The following PARD3B variants were observed in gnomAD, a reference collection of about 807,000 sequenced individuals.
PARD3B encodes partitioning defective 3 homolog B.
PARD3B carries 103 observed loss-of-function variants against 130.2 expected under a neutral mutation model. The observed-to-expected ratio is 0.79, with a 90% CI of 0.67 to 0.93. The LOEUF (loss-of-function observed/expected upper bound fraction) is 0.93. PARD3B is among the 40% of genes least tolerant of loss of function. PARD3B has a pLI of 0.00. For missense variants in PARD3B, 1,609 were observed against 1,499.2 expected, an observed-to-expected ratio of 1.07 and a Z score of -1.21; for synonymous variants, 583 against 553.2, an observed-to-expected ratio of 1.05 and a Z score of -0.76.
intron 2 of PARD3B, among the ~76,000 whole-genome samples, chr2:204,830,480 G>A (rs2043776035): frequency 6.6e-6 from 1 of 152,176 alleles, no homozygotes; most frequent in Admixed American, 6.5e-5. Flanking sequence ...TAGGAGAGGA[G>A]AATTGAGGAA....
At chr2:204,559,500 C>T (rs1345559533) in intron 1 of PARD3B, among the ~76,000 whole-genome samples, 1 of 152,162 alleles carries the variant, frequency 6.6e-6, no homozygotes, top group Non-Finnish European at 1.5e-5. Context: ...TACCATCTCA[C>T]ACCAGTTAGA....
intron 15 of PARD3B, among the ~76,000 whole-genome samples, chr2:205,217,856 GTGTGTGTGTGTGTATATATA>G (rs1223853165): frequency 6.1e-5 from 5 of 82,128 alleles, no homozygotes; most frequent in African/African-American, 2.4e-4. Context: ...GTGTGTGTGT[GTGTGTGTGTGTGTATATATA>G]TATATATATA....
At chr2:204,714,913 T>C (rs1254252667) in intron 2 of PARD3B, among the ~76,000 whole-genome samples, 5 of 152,202 alleles carry the variant, frequency 3.3e-5, no homozygotes, top group East Asian at 3.9e-4. Context: ...AGAAATGATA[T>C]TACATTTAAT....
Position 205,105,310 on chromosome 2 carries a change from C to G in PARD3B, c.593+796C>G, listed in dbSNP as rs1477093367. Among the ~76,000 whole-genome samples, 7 of 152,172 alleles carry G rather than the reference C, an allele frequency of 4.6e-5. No individual in the cohort carries two copies. The highest frequency in any genetic ancestry group is 2.0e-4 in the Admixed American group (3 of 15,286). On this transcript the variant is annotated intron_variant, in intron 5 of 22. Transcript: ENST00000406610. The surrounding 1 kb of genome is among the most constrained non-coding windows in gnomAD (Gnocchi z 4.0). ...TGAGTGTTTGCTGCTGTTTCTACTA[C>G]TATCATTAATATCACATCATCTCTA...
chr2:204,751,911 CTG>C (rs1288701328), intron 2 of PARD3B, among the ~76,000 whole-genome samples: 1 of 152,116 alleles, frequency 6.6e-6, no homozygotes, highest in African/African-American at 2.4e-5. Flanking sequence ...CAGGAGAACT[CTG>C]TGTTGGAACA....
intron 2 of PARD3B, among the ~76,000 whole-genome samples, chr2:204,962,238 A>G (rs1374156687): frequency 6.6e-6 from 1 of 152,120 alleles, no homozygotes; most frequent in Non-Finnish European, 1.5e-5. Flanking sequence ...CACTGGCATC[A>G]TAGAAGGAGA....
chr2:204,804,477 T>C (rs1024710716), intron 2 of PARD3B, among the ~76,000 whole-genome samples: 1 of 152,164 alleles, frequency 6.6e-6, no homozygotes, highest in Non-Finnish European at 1.5e-5. Flanking sequence ...CACCCAACAG[T>C]GGAGCACCCG....
intron 2 of PARD3B, among the ~76,000 whole-genome samples, chr2:204,839,475 A>G (rs1167455126): frequency 6.6e-6 from 1 of 152,148 alleles, no homozygotes; most frequent in Non-Finnish European, 1.5e-5. Context: ...AGAAATGTTT[A>G]CCTTAAGCCT....
intron 3 of PARD3B, among the ~76,000 whole-genome samples, chr2:204,973,125 GCT>G (rs1691850059): frequency 6.6e-6 from 1 of 152,196 alleles, no homozygotes; most frequent in African/African-American, 2.4e-5. Flanking sequence ...TCCCCAGCTC[GCT>G]CTCTTCTGTT....
intron 21 of PARD3B, among the ~76,000 whole-genome samples, chr2:205,507,297 C>T (rs954844780): frequency 1.4e-5 from 2 of 138,996 alleles, no homozygotes; most frequent in Non-Finnish European, 3.0e-5. Context: ...TCACTGCAAG[C>T]TCCACCTCCG....
At chr2:204,951,419 C>G (rs1689758454) in intron 2 of PARD3B, among the ~76,000 whole-genome samples, 1 of 152,130 alleles carries the variant, frequency 6.6e-6, no homozygotes. Context: ...AATCGTCCTG[C>G]CAGCAAATAC....
At chr2:204,795,604 T>G (rs2042342438) in intron 2 of PARD3B, among the ~76,000 whole-genome samples, 1 of 152,190 alleles carries the variant, frequency 6.6e-6, no homozygotes, top group Non-Finnish European at 1.5e-5. Context: ...TGGAACTTTC[T>G]CCAAAGATGG....
At chr2:204,912,816 A>C (rs78333411) in intron 2 of PARD3B, among the ~76,000 whole-genome samples, 4,978 of 152,232 alleles carry the variant, frequency 0.033, 116 homozygotes, top group Non-Finnish European at 0.047. Flanking sequence ...ATTACTGTAG[A>C]TCCTGTTTTA....
At chr2:205,008,606 T>C (rs1695464317) in intron 3 of PARD3B, among the ~76,000 whole-genome samples, 1 of 152,198 alleles carries the variant, frequency 6.6e-6, no homozygotes, top group Non-Finnish European at 1.5e-5. Context: ...AATTCAGCTT[T>C]ATGTATCTCT....
chr2:204,984,301 G>C (rs899008352), intron 3 of PARD3B, among the ~76,000 whole-genome samples: 2 of 152,074 alleles, frequency 1.3e-5, no homozygotes, highest in African/African-American at 4.8e-5. Context: ...ATAGTCAGTT[G>C]AGACTAATCA....
rs138913497 is a variant in PARD3B at position 204,722,425 on chromosome 2, A to G, written c.222+36143A>G. On this transcript the variant is annotated intron_variant, in intron 2 of 22. Coordinates refer to ENST00000406610, the MANE Select transcript of PARD3B (RefSeq NM_001302769.2). ...GTGTCTTGGATGACAGTGCTGTTGG[A>G]TTAGATTGGCTAACTTCTACAGTTT... 4.0e-3 allele frequency among the ~76,000 whole-genome samples: 605 copies of G among 152,276 alleles called. 18 individuals are homozygous for G. The highest frequency in any genetic ancestry group is 0.029 in the East Asian group (151 of 5,180).
chr2:205,515,105 C>T (rs976040932), intron 21 of PARD3B, among the ~76,000 whole-genome samples: 5 of 152,066 alleles, frequency 3.3e-5, no homozygotes, highest in Admixed American at 6.6e-5. Context: ...GTTTTCTGTT[C>T]CTGCATTAGT....
chr2:205,393,899 A>T (rs1008751238), intron 18 of PARD3B, among the ~76,000 whole-genome samples: 2 of 152,196 alleles, frequency 1.3e-5, no homozygotes, highest in African/African-American at 4.8e-5. Flanking sequence ...ATCATTACTT[A>T]GAAAACCCAA....
At chr2:205,607,215 C>T (rs542961899) in intron 22 of PARD3B, among the ~76,000 whole-genome samples, 4 of 151,592 alleles carry the variant, frequency 2.6e-5, no homozygotes, top group East Asian at 1.9e-4. Context: ...CTTCTTGGGC[C>T]GCTAACAGCC....
Sources: allele counts gnomAD v4.1 joint callset (sites outside exome capture counted in the v4.1 genomes callset), GRCh38; gene constraint gnomAD v4.1.1; non-coding constraint Gnocchi (gnomAD v3.1); transcripts MANE v1.5; gene names NCBI Gene and HGNC (gene_info 2026-07-23, HGNC 2026-07-21).